Variants in HUWE1 observed in about 807,000 individuals in gnomAD.
The protein encoded by HUWE1 is E3 ubiquitin-protein ligase HUWE1.
In HUWE1, 18 loss-of-function variants were observed where a neutral mutation model predicts 299.4. The ratio of observed to expected loss-of-function variants is 0.06; its 90% CI spans 0.04 to 0.09. The LOEUF (loss-of-function observed/expected upper bound fraction) is 0.09. Ranked by LOEUF, HUWE1 falls within the 10% of genes least tolerant of loss-of-function variation. The pLI is 1.00. For missense variants in HUWE1, 1,832 were observed against 3,462.3 expected (o/e 0.53, Z 11.82); for synonymous variants, 1,317 against 1,286.1 (o/e 1.02, Z -0.51).
chrX:53,549,538 T>A (rs781836548), intron 66 of HUWE1, 33 bp from the exon 67 acceptor site: 14 of 1,120,888 alleles, frequency 1.2e-5, no homozygotes, highest in Non-Finnish European at 1.2e-5. Context: ...GGGTAACACT[T>A]CAGTGGCTAG....
chrX:53,651,031 C>T (rs1273245801), intron 4 of HUWE1, among the ~76,000 whole-genome samples: 3 of 111,172 alleles, frequency 2.7e-5, no homozygotes, highest in African/African-American at 9.8e-5. Flanking sequence ...CTTAAATGCC[C>T]TATGCCCATT....
rs2061803535 is a variant in HUWE1, at chrX:53,552,426, G to A, written c.8766C>T (p.Ser2922=). The change falls in exon 63 of 84, where the codon TCC becomes TCT. Residue 2922 remains serine (S), a synonymous_variant. Transcript: ENST00000262854. The part of the protein sequence containing the change: ...QPPEDSSPPA[S]SESSSTRDSA... ...AATCTCTGGTGGAAGAGCTCTCAGAGGATGCAGGTGGGGAGCTGAGGGAAA... is the reference window on the plus strand; with the variant it reads ...AATCTCTGGTGGAAGAGCTCTCAGAAGATGCAGGTGGGGAGCTGAGGGAAA... 24 of 1,211,096 alleles carry A rather than the reference G, an allele frequency of 2.0e-5. No homozygotes were observed. The highest frequency in any genetic ancestry group is 2.6e-5 in the Non-Finnish European group (23 of 895,083).
At chrX:53,561,618 A>G in intron 55 of HUWE1, 138 bp downstream of exon 55, 1 of 887,466 alleles carries the variant, frequency 1.1e-6, no homozygotes, top group South Asian at 2.2e-5. Context: ...ATGGATTCAG[A>G]TATCCCTTGC....
intron 2 of HUWE1, among the ~76,000 whole-genome samples, chrX:53,685,884 T>C (rs2070412035): frequency 8.9e-6 from 1 of 112,030 alleles, no homozygotes; most frequent in African/African-American, 3.2e-5. Context: ...ATGGCATTGC[T>C]TGTAATAGTC....
intron 49 of HUWE1, 61 bp downstream of exon 49, chrX:53,568,631 A>G: frequency 9.2e-7 from 1 of 1,088,556 alleles, no homozygotes; most frequent in South Asian, 2.0e-5. Flanking sequence ...AGCTACCTCC[A>G]CATCATTCGT....
At chrX:53,601,964 C>T (rs1196675191) in intron 28 of HUWE1, among the ~76,000 whole-genome samples, 9 of 110,798 alleles carry the variant, frequency 8.1e-5, no homozygotes, top group East Asian at 2.8e-4. Context: ...CCACCGAGCC[C>T]GGCCAAAATT....
intron 23 of HUWE1, among the ~76,000 whole-genome samples, chrX:53,610,733 C>A (rs147375800): frequency 0.011 from 1,223 of 111,821 alleles, 22 homozygotes; most frequent in African/African-American, 0.038. Context: ...TCCCAGTGGG[C>A]CACATTTCAG....
chrX:53,587,013 A>G, intron 37 of HUWE1, 104 bp from the exon 38 acceptor site: 3 of 934,176 alleles, frequency 3.2e-6, no homozygotes, highest in Non-Finnish European at 4.6e-6. Context: ...GTAAATAATA[A>G]TAGAATTGGT....
chrX:53,675,461 T>C (rs992264948), intron 3 of HUWE1, among the ~76,000 whole-genome samples: 15 of 111,509 alleles, frequency 1.3e-4, no homozygotes, highest in African/African-American at 4.6e-4. Context: ...ATATCATGCA[T>C]AGACAGTGCA....
In HUWE1 at chrX:53,595,198, A is replaced by G. The variant is rs1556983790; in HGVS notation, c.3369T>C (p.Thr1123=). 1 of 1,203,857 alleles carries G rather than the reference A, an allele frequency of 8.3e-7. No individual in the cohort carries two copies. The highest frequency in any genetic ancestry group is 1.8e-5 in the African/African-American group (1 of 56,704). ...AAGCTGAACTTCACCTGAATCGGGG[A>G]GTAGGTGTATATGGTGGGGGCTGCC... The part of the protein sequence containing the change: ...LSWQPPPYTP[T]PRFRLTFFIC... The change falls in exon 30 of 84, where the codon ACT becomes ACC. Residue 1123 remains threonine, a synonymous_variant. Transcript: ENST00000262854.
At chrX:53,542,219 A>G (rs781826493) in intron 74 of HUWE1, among the ~76,000 whole-genome samples, 1 of 111,629 alleles carries the variant, frequency 9.0e-6, no homozygotes, top group East Asian at 2.8e-4. Context: ...CCATAAAAAC[A>G]TGCTGTCTGA....
At chrX:53,627,907 A>T (rs1557019409) in intron 15 of HUWE1, 28 bp from the exon 16 acceptor site, 2 of 1,190,297 alleles carry the variant, frequency 1.7e-6, no homozygotes, top group South Asian at 3.6e-5. Context: ...AGGCAAAAAC[A>T]ATGAACTATA....
intron 7 of HUWE1, among the ~76,000 whole-genome samples, chrX:53,639,793 A>G (rs1191985953): frequency 1.3e-4 from 15 of 112,341 alleles, no homozygotes; most frequent in African/African-American, 4.5e-4. Flanking sequence ...CCATCTACAA[A>G]TGACAGCTGT....
At position 53,559,453 on chromosome X, in the gene HUWE1, G is replaced by A; in HGVS notation, c.7816C>T (p.Leu2606Phe). 8.3e-7 allele frequency: 1 copy of A among 1,211,267 alleles called. No individual in the cohort carries two copies. Among genetic ancestry groups the A allele is most frequent in the Non-Finnish European group, 1.1e-6 (1 of 895,179 alleles). Residue 2606 changes from leucine to phenylalanine, a missense_variant, in exon 57 of 84, where the codon CTC becomes TTC. Physicochemically the swap from Leu to Phe is conservative, Grantham distance 22. Transcript: ENST00000262854. The stretch of plus-strand genomic sequence containing the variant: ...TGGACGTCATCGTTGCCTACCAGGA[G>A]GCGGGCCCGACCCCGGCTTTGTAGG... ...LPLQSRGRAR[L>F]LVGNDDVHII...
At chrX:53,551,956 C>T (rs148554104) in intron 63 of HUWE1, among the ~76,000 whole-genome samples, 266 of 111,865 alleles carry the variant, frequency 2.4e-3, no homozygotes, top group African/African-American at 8.4e-3. Context: ...GGGCTCAGAA[C>T]AGCTTTTGTT....
intron 27 of HUWE1, 121 bp from the exon 28 acceptor site, chrX:53,602,779 G>A (rs2064938767): frequency 5.0e-6 from 2 of 399,615 alleles, no homozygotes; most frequent in Admixed American, 4.4e-5. Flanking sequence ...ATAGCAGGCA[G>A]GTTAAACTGA....
At chrX:53,677,573 G>A (rs1170924425) in intron 3 of HUWE1, among the ~76,000 whole-genome samples, 5 of 95,687 alleles carry the variant, frequency 5.2e-5, no homozygotes, top group Non-Finnish European at 6.2e-5. Context: ...TCAGAATGCC[G>A]TAATAAAGAA....
intron 44 of HUWE1, 101 bp from the exon 45 acceptor site, chrX:53,575,889 T>C: frequency 1.2e-6 from 1 of 845,698 alleles, no homozygotes; most frequent in Non-Finnish European, 1.7e-6. Flanking sequence ...TCACATCAAG[T>C]GGCTATGACT....
At chrX:53,535,179 C>T (rs988987875) in intron 81 of HUWE1, among the ~76,000 whole-genome samples, 3 of 111,874 alleles carry the variant, frequency 2.7e-5, no homozygotes, top group Non-Finnish European at 3.8e-5. Flanking sequence ...AACTGATCCG[C>T]CCACCTTGGC....
Sources: gnomAD v4.1 joint callset for allele counts (sites outside exome capture counted in the v4.1 genomes callset) on GRCh38, gnomAD v4.1.1 for gene constraint, MANE v1.5 for transcripts, NCBI Gene and HGNC (gene_info 2026-07-23, HGNC 2026-07-21) for gene names.